Variants in CCL14 observed in about 807,000 individuals in gnomAD.
CCL14 encodes the protein C-C motif chemokine 14.
Under a neutral mutation model 8.2 loss-of-function variants are expected in CCL14, and 8 were observed. The observed-to-expected ratio is 0.98, with a 90% CI of 0.57 to 1.76. The LOEUF is 1.76. Ranked by LOEUF, CCL14 falls within the 40% of genes most tolerant of loss-of-function variation. The pLI is 0.00. For synonymous variants in CCL14, 50 were observed against 43.2 expected, an observed-to-expected ratio of 1.16 and a Z score of -0.62; for missense variants, 127 against 118.3, an observed-to-expected ratio of 1.07 and a Z score of -0.34.
intron 1 of CCL14, 25 bp from the exon 2 acceptor site, chr17:35,984,477 A>G (rs752706416): frequency 2.0e-6 from 3 of 1,538,182 alleles, no homozygotes; most frequent in Non-Finnish European, 2.7e-6. Flanking sequence ...TCAGATGCTG[A>G]GGAGGGGCCC....
chr17:35,984,778 A>G, intron 1 of CCL14: 1 of 494,740 alleles, frequency 2.0e-6, no homozygotes, highest in Non-Finnish European at 3.5e-6. Flanking sequence ...CGACTGGCAG[A>G]GAAGGCTAGG....
chr17:35,983,936 C>CG lies in CCL14; in HGVS notation c.195-49dup, dbSNP rs753438716. 2.2e-6 allele frequency: 3 copies of CG among 1,375,848 alleles called. No individual in the cohort carries two copies. In the Admixed American group the frequency reaches 5.0e-5, roughly 23 times the overall value. The allele number at this position is 1,375,848 out of a possible 1,614,324, so 85.2% of individuals were successfully genotyped here. On this transcript the variant is annotated intron_variant, in intron 2 of 2. Transcript: ENST00000618404. ...ATCACAAACCGAGGGGCCCAGTGGC[C>CG]GGAAGAGACAGCCCATCTTCCCTCC...
At chr17:35,984,724 T>G in intron 1 of CCL14, 1 of 556,130 alleles carries the variant, frequency 1.8e-6, no homozygotes, top group Non-Finnish European at 3.2e-6. Context: ...ACTCCAGGAT[T>G]GAAGAGCAGC....
intron 1 of CCL14, 36 bp downstream of exon 1, chr17:35,986,535 C>G (rs2141997180): frequency 6.5e-7 from 1 of 1,545,814 alleles, no homozygotes; most frequent in African/African-American, 1.4e-5. Flanking sequence ...TCCCTGCAGG[C>G]TCTAGGTTGG....
At position 35,983,370 on chromosome 17, in the gene CCL14, C is replaced by T. The variant is rs147465786; in HGVS notation, c.*431G>A. The T allele has an allele frequency of 4.3e-5, 7 of 162,818 alleles. No homozygotes were observed. The East Asian group carries it at 1.2e-3, about 28-fold the overall frequency. 10.1% of individuals were successfully genotyped at this position (162,818 alleles called of 1,614,324 possible). On this transcript the variant is annotated 3_prime_UTR_variant, in exon 3 of 3. Transcript: ENST00000618404. ...TGTAGCTTTTACACTTGTCATGAAG[C>T]TTAAATAAGATAATGCATACAGACT... is the stretch of plus-strand genomic sequence containing the variant.
chr17:35,984,495 A>G (rs746518735), intron 1 of CCL14, 43 bp from the exon 2 acceptor site: 1 of 1,291,590 alleles, frequency 7.7e-7, no homozygotes, highest in Admixed American at 1.7e-5. Context: ...CCCCTTGTTA[A>G]AGGCCATACC....
At position 35,983,361 on chromosome 17, in the gene CCL14, G is replaced by T. The variant is rs2089704203; in HGVS notation, c.*440C>A. On this transcript the variant is annotated 3_prime_UTR_variant, in exon 3 of 3. Transcript: ENST00000618404. ...ATGATGATTTGTAGCTTTTACACTT[G>T]TCATGAAGCTTAAATAAGATAATGC... is the stretch of plus-strand genomic sequence containing the variant. The T allele has an allele frequency of 6.2e-6, 1 of 160,898 alleles. No homozygotes were observed. Among genetic ancestry groups the T allele is most frequent in the Admixed American group, 6.1e-5 (1 of 16,354 alleles). 10.0% of individuals were successfully genotyped at this position (160,898 alleles called of 1,614,324 possible).
chr17:35,984,587 G>T lies in CCL14; in HGVS notation c.80-135C>A, dbSNP rs111856180. 77 of 647,102 alleles carry T rather than the reference G, an allele frequency of 1.2e-4. 1 individual carries two copies. The highest frequency in any genetic ancestry group is 9.3e-4 in the African/African-American group (52 of 55,706). The allele number at this position is 647,102 out of a possible 1,614,324, so 40.1% of individuals were successfully genotyped here. ...CCTCAGAACTTGGAGGGGAGAGTAG[G>T]CTTTCCTCATCTTCTCTTCTCCTTC... On this transcript the variant is annotated intron_variant, in intron 1 of 2. Coordinates refer to ENST00000618404, the MANE Select transcript of CCL14 (RefSeq NM_032963.4).
In CCL14 at chr17:35,983,457, C is replaced by G; in HGVS notation, c.*344G>C. 3.9e-6 allele frequency: 1 copy of G among 258,780 alleles called. No individual in the cohort carries two copies. The highest frequency in any genetic ancestry group is 7.4e-6 in the Non-Finnish European group (1 of 136,002). 16.0% of individuals were successfully genotyped at this position (258,780 alleles called of 1,614,324 possible). ...AAAACGGGGTCTGCTACTGTTGTTGCTGAGGAGGAGACGGTCTTTACACTG... is the reference window on the plus strand; with the variant it reads ...AAAACGGGGTCTGCTACTGTTGTTGGTGAGGAGGAGACGGTCTTTACACTG... On this transcript the variant is annotated 3_prime_UTR_variant, in exon 3 of 3. Transcript: ENST00000618404.
intron 1 of CCL14, 89 bp from the exon 2 acceptor site, chr17:35,984,541 G>C: frequency 1.2e-6 from 1 of 819,274 alleles, no homozygotes; most frequent in African/African-American, 1.7e-5. Flanking sequence ...CATGGAGGAG[G>C]GAAGGAAGGA....
At position 35,986,598 on chromosome 17, in the gene CCL14, G is replaced by C. The variant is rs1357758846; in HGVS notation, c.52C>G (p.Leu18Val). The C allele has an allele frequency of 6.2e-7, 1 of 1,614,004 alleles. No homozygotes were observed. Among genetic ancestry groups the C allele is most frequent in the Admixed American group, 1.7e-5 (1 of 60,016 alleles). Reference sequence around the variant, plus strand: ...GAGGAGGATTCAGTCTTGGTCCCTAGGGCGATGGTGATGAGGAGGAAGAAG... The same window carrying C: ...GAGGAGGATTCAGTCTTGGTCCCTACGGCGATGGTGATGAGGAGGAAGAAG... ...IPFFLLITIA[L>V]GTKTESSSRG... Residue 18 changes from leucine (L) to valine (V), a missense_variant, in exon 1 of 3, where the codon CTA (leucine) becomes GTA (valine). By Grantham distance (32) the Leu-to-Val change is conservative (BLOSUM62 1). Coordinates refer to ENST00000618404, the MANE Select transcript of CCL14 (RefSeq NM_032963.4).
chr17:35,986,293 G>T, intron 1 of CCL14: 1 of 458,430 alleles, frequency 2.2e-6, no homozygotes, highest in Non-Finnish European at 3.9e-6. Context: ...CCCAAGTCAA[G>T]TCTCATTGGT....
At chr17:35,984,517 C>G (rs745481745) in intron 1 of CCL14, 65 bp from the exon 2 acceptor site, 2 of 1,027,022 alleles carry the variant, frequency 1.9e-6, no homozygotes, top group Admixed American at 3.5e-5. Flanking sequence ...TTGGCTGCTC[C>G]TGCAAGCTGA....
At position 35,986,654 on chromosome 17, in the gene CCL14, T is replaced by C; in HGVS notation, c.-5A>G. ...GGCAGCCACGGAGATCTTCATGCTG[T>C]GGGAAGCTGTTGTGGGAGGAGAGCT... On this transcript the variant is annotated 5_prime_UTR_variant, in exon 1 of 3. Transcript: ENST00000618404. 1 of 1,613,160 alleles carries C rather than the reference T, an allele frequency of 6.2e-7. No individual in the cohort carries two copies. Among genetic ancestry groups the C allele is most frequent in the Non-Finnish European group, 8.5e-7 (1 of 1,179,356 alleles).
chr17:35,985,055 G>T (rs1343954244), intron 1 of CCL14: 2 of 157,186 alleles, frequency 1.3e-5, no homozygotes, highest in African/African-American at 4.8e-5. Flanking sequence ...TGCTTCCTGT[G>T]TACTGTGGCC....
At chr17:35,984,737 A>C in intron 1 of CCL14, 1 of 535,792 alleles carries the variant, frequency 1.9e-6, no homozygotes, top group South Asian at 3.1e-5. Flanking sequence ...AGAGCAGCAC[A>C]CTCAGATCTT....
chr17:35,984,559 G>A (rs113271725), intron 1 of CCL14, 107 bp from the exon 2 acceptor site: 9 of 727,322 alleles, frequency 1.2e-5, no homozygotes, highest in African/African-American at 1.0e-4. Flanking sequence ...GGAGGAGACA[G>A]CCCCTCAGAA....
At chr17:35,985,545 G>A (rs72830000) in intron 1 of CCL14, 33,681 of 595,626 alleles carry the variant, frequency 0.057, 1,112 homozygotes, top group South Asian at 0.1. Context: ...TGGCCTCAGA[G>A]GTCACTGAGG....
chr17:35,984,800 T>G, intron 1 of CCL14: 12 of 456,804 alleles, frequency 2.6e-5, no homozygotes, highest in Non-Finnish European at 1.9e-5. Flanking sequence ...ACTTGGCCAA[T>G]ATCATGCAGC....
Sources: gnomAD v4.1 joint callset for allele counts on GRCh38, gnomAD v4.1.1 for gene constraint, MANE v1.5 for transcripts, NCBI Gene and HGNC (gene_info 2026-07-23, HGNC 2026-07-21) for gene names.